RUNX1: variants seen among roughly 807,000 people sequenced by gnomAD.
RUNX1 encodes the protein RUNX family transcription factor 1.
Under a neutral mutation model 42.8 loss-of-function variants are expected in RUNX1, and 19 were observed. That is an observed-to-expected ratio of 0.44 (90% CI 0.31 to 0.65). The LOEUF (loss-of-function observed/expected upper bound fraction) is 0.65, where lower values mean the gene tolerates loss of function less well. Among genes scored for constraint, RUNX1 ranks in the 30% least tolerant of loss-of-function variants. RUNX1 has a pLI of 0.07. For missense variants in RUNX1, 528 were observed against 672.0 expected, an observed-to-expected ratio of 0.79 and a Z score of 2.37; for synonymous variants, 271 against 289.4, an observed-to-expected ratio of 0.94 and a Z score of 0.64.
At chr21:35,048,793 C>A (rs780182718) in intron 2 of RUNX1, 49 bp downstream of exon 2, 4 of 1,507,666 alleles carry the variant, frequency 2.7e-6, no homozygotes, top group Non-Finnish European at 3.7e-6. Context: ...CATTTCATTA[C>A]AGGCAAAGCT....
intron 2 of RUNX1, among the ~76,000 whole-genome samples, chr21:34,997,200 A>G (rs1054954892): frequency 2.0e-5 from 3 of 152,268 alleles, no homozygotes; most frequent in Non-Finnish European, 2.9e-5. Context: ...CAACTGAAAT[A>G]AAATCATGAT....
chr21:35,047,925 GC>G (rs2059412440), intron 2 of RUNX1, among the ~76,000 whole-genome samples: 1 of 152,114 alleles, frequency 6.6e-6, no homozygotes, highest in Admixed American at 6.5e-5. Flanking sequence ...TTTAAGCACA[GC>G]CCTCTTTTAC....
intron 2 of RUNX1, among the ~76,000 whole-genome samples, chr21:34,940,955 C>T: frequency 6.6e-6 from 1 of 152,364 alleles, no homozygotes; most frequent in Admixed American, 6.5e-5. Context: ...ATTAAAATAT[C>T]AGCACAGAGA....
At chr21:34,846,039 C>T (rs1240270852) in intron 6 of RUNX1, among the ~76,000 whole-genome samples, 2 of 152,102 alleles carry the variant, frequency 1.3e-5, no homozygotes, top group Non-Finnish European at 1.5e-5. Flanking sequence ...GAGGCGGCCC[C>T]ACTCAGAAAC....
At chr21:34,827,959 A>C (rs1326860354) in intron 7 of RUNX1, among the ~76,000 whole-genome samples, 4 of 152,346 alleles carry the variant, frequency 2.6e-5, no homozygotes, top group East Asian at 1.9e-4. Flanking sequence ...GTGAGGTTGA[A>C]GCTGCCACAA....
intron 2 of RUNX1, among the ~76,000 whole-genome samples, chr21:34,931,425 CAT>C (rs2058445884): frequency 7.2e-6 from 1 of 138,776 alleles, no homozygotes; most frequent in Non-Finnish European, 1.5e-5. Context: ...ATATATAAAG[CAT>C]ATATAAATGT....
At chr21:35,033,589 T>G (rs923073717) in intron 2 of RUNX1, among the ~76,000 whole-genome samples, 4 of 152,228 alleles carry the variant, frequency 2.6e-5, no homozygotes, top group African/African-American at 9.6e-5. Flanking sequence ...GTCAGGTGCC[T>G]TTAATGACTA....
Position 34,977,579 on chromosome 21 carries a change from T to C in RUNX1, c.58+71263A>G, listed in dbSNP as rs565923804. Among the ~76,000 whole-genome samples the C allele has an allele frequency of 5.4e-4, 83 of 152,324 alleles. No homozygotes were observed. The South Asian group carries it at 6.0e-3, about 11-fold the overall frequency. ...TGCGGAGAGAGGGGTAGGATTTCAA[T>C]CCCAAAACATACTTTAAACTGTCAT... On this transcript the variant is annotated intron_variant, in intron 2 of 8. Coordinates refer to ENST00000675419, the MANE Select transcript of RUNX1 (RefSeq NM_001754.5).
At chr21:34,819,371 G>A (rs1435363509) in intron 7 of RUNX1, among the ~76,000 whole-genome samples, 1 of 152,214 alleles carries the variant, frequency 6.6e-6, no homozygotes, top group Non-Finnish European at 1.5e-5. Flanking sequence ...TGACAGGTCT[G>A]CACTGCTAGT....
At chr21:35,020,632 T>C (rs1157657265) in intron 2 of RUNX1, among the ~76,000 whole-genome samples, 1 of 152,100 alleles carries the variant, frequency 6.6e-6, no homozygotes, top group African/African-American at 2.4e-5. Flanking sequence ...AAGAGGAAGC[T>C]GCCAACGTCA....
intron 5 of RUNX1, among the ~76,000 whole-genome samples, chr21:34,869,503 A>T (rs2146294129): frequency 6.6e-6 from 1 of 152,336 alleles, no homozygotes; most frequent in Admixed American, 6.5e-5. Flanking sequence ...AATAGGACAC[A>T]ATGGGTTCGG....
intron 2 of RUNX1, among the ~76,000 whole-genome samples, chr21:34,961,370 A>G (rs560909297): frequency 2.0e-5 from 3 of 151,672 alleles, no homozygotes; most frequent in Non-Finnish European, 2.9e-5. Flanking sequence ...TAATAATAAT[A>G]ATAATGATAA....
chr21:35,033,021 C>A (rs1399406880), intron 2 of RUNX1, among the ~76,000 whole-genome samples: 1 of 152,176 alleles, frequency 6.6e-6, no homozygotes, highest in Non-Finnish European at 1.5e-5. Flanking sequence ...ATCCATCTAT[C>A]CATTCATTCA....
rs1282714373 is a variant in RUNX1 at position 35,036,482 on chromosome 21, A to G, written c.58+12360T>C. ...ATCCTTCAGCATGCCGAACCCCTCC[A>G]GAAAGGGAAGGAACTTTCTGTGACT... On this transcript the variant is annotated intron_variant, in intron 2 of 8. Transcript: ENST00000675419. Among the ~76,000 whole-genome samples, 3 of 152,202 alleles carry G rather than the reference A, an allele frequency of 2.0e-5. No individual in the cohort carries two copies. The East Asian group carries it at 5.8e-4, about 29-fold the overall frequency.
chr21:34,903,734 A>C (rs962258602), intron 2 of RUNX1, among the ~76,000 whole-genome samples: 8 of 152,218 alleles, frequency 5.3e-5, no homozygotes, highest in Non-Finnish European at 7.4e-5. Flanking sequence ...TTTCATATTA[A>C]TCCTGTTATC....
rs932090436 is a variant in RUNX1 at position 34,789,151 on chromosome 21, A to G, written c.*2984T>C. The G allele has an allele frequency of 6.9e-5, 16 of 233,242 alleles. No homozygotes were observed. Among genetic ancestry groups the G allele is most frequent in the Non-Finnish European group, 1.1e-4 (13 of 118,110 alleles). 14.4% of individuals were successfully genotyped at this position (233,242 alleles called of 1,614,324 possible). ...CTGTTCTGCTGGAAGAAACCCATAAACAGGAGAAAGGCTGACAAACCATGT... is the reference window on the plus strand; with the variant it reads ...CTGTTCTGCTGGAAGAAACCCATAAGCAGGAGAAAGGCTGACAAACCATGT... On this transcript the variant is annotated 3_prime_UTR_variant, in exon 9 of 9. Coordinates refer to ENST00000675419, the MANE Select transcript of RUNX1 (RefSeq NM_001754.5).
intron 5 of RUNX1, among the ~76,000 whole-genome samples, chr21:34,868,733 C>G (rs891892209): frequency 6.6e-6 from 1 of 152,196 alleles, no homozygotes; most frequent in Non-Finnish European, 1.5e-5. Context: ...CAGGGATGGC[C>G]TACTTAATTG....
At chr21:35,045,639 C>T (rs913943674) in intron 2 of RUNX1, among the ~76,000 whole-genome samples, 1 of 152,120 alleles carries the variant, frequency 6.6e-6, no homozygotes, top group Non-Finnish European at 1.5e-5. Context: ...GATCTCACAC[C>T]TCCAGTCTCC....
intron 3 of RUNX1, among the ~76,000 whole-genome samples, chr21:34,889,208 C>T (rs2058044668): frequency 6.6e-6 from 1 of 151,782 alleles, no homozygotes. Context: ...GGCCAGGCCT[C>T]CGCTTCCAGG....
Sources: allele counts gnomAD v4.1 joint callset (sites outside exome capture counted in the v4.1 genomes callset), GRCh38; gene constraint gnomAD v4.1.1; transcripts MANE v1.5; gene names NCBI Gene and HGNC (gene_info 2026-07-23, HGNC 2026-07-21).